GNB2: variants seen among roughly 807,000 people sequenced by gnomAD.
GNB2 encodes the protein G protein subunit beta 2.
Under a neutral mutation model 40.7 loss-of-function variants are expected in GNB2, and 7 were observed. The ratio of observed to expected loss-of-function variants is 0.17; its 90% CI spans 0.10 to 0.32. The LOEUF (loss-of-function observed/expected upper bound fraction) is 0.32, where lower values mean the gene tolerates loss of function less well. GNB2 is among the 10% of genes least tolerant of loss of function. The pLI is 1.00. For missense variants in GNB2, 286 were observed against 473.0 expected, an observed-to-expected ratio of 0.60 and a Z score of 3.67; for synonymous variants, 254 against 191.2, an observed-to-expected ratio of 1.33 and a Z score of -2.71.
chr7:100,677,915 C>A, intron 7 of GNB2, 97 bp downstream of exon 7: 1 of 1,163,608 alleles, frequency 8.6e-7, no homozygotes, highest in Non-Finnish European at 1.3e-6. Context: ...GCACCGTAGC[C>A]TCCCTCTCCT....
chr7:100,674,651 G>A (rs555513173), intron 1 of GNB2, among the ~76,000 whole-genome samples: 1 of 152,314 alleles, frequency 6.6e-6, no homozygotes, highest in African/African-American at 2.4e-5. Flanking sequence ...CCTGAGCCCC[G>A]CCAGACCTGC....
Position 100,677,338 on chromosome 7 carries a change from C to T in GNB2, c.204-14C>T. ...ACGCCACCCTTCTGCTCTCCCTACA[C>T]CGTTCCCCACCAGGCTGCTGGTCAG... On this transcript the variant is annotated splice_polypyrimidine_tract_variant and intron_variant, in intron 4 of 9. Coordinates refer to ENST00000303210, the MANE Select transcript of GNB2 (RefSeq NM_005273.4). 2 of 1,611,462 alleles carry T rather than the reference C, an allele frequency of 1.2e-6. No homozygotes were observed. The highest frequency in any genetic ancestry group is 1.7e-6 in the Non-Finnish European group (2 of 1,177,646).
Position 100,678,904 on chromosome 7 carries a change from C to G in GNB2, c.*103C>G. On this transcript the variant is annotated 3_prime_UTR_variant, in exon 10 of 10. Transcript: ENST00000303210. ...CGCAATCCCAGCCCCCTTCCCCGGG[C>G]CACGGGGCCTTGGGTCCCTGCCCTC... 1 of 904,084 alleles carries G rather than the reference C, an allele frequency of 1.1e-6. No individual in the cohort carries two copies. The highest frequency in any genetic ancestry group is 1.7e-6 in the Non-Finnish European group (1 of 585,360). The allele number at this position is 904,084 out of a possible 1,614,324, so 56.0% of individuals were successfully genotyped here.
chr7:100,679,081 C>T lies in GNB2; in HGVS notation c.*280C>T, dbSNP rs1804442869. Reference sequence around the variant, plus strand: ...AGGGCCGGAGGCAGGAGGTGGAAACCCCAGGGGCTGGCTTTTTTAAAACTG... The same window carrying T: ...AGGGCCGGAGGCAGGAGGTGGAAACTCCAGGGGCTGGCTTTTTTAAAACTG... On this transcript the variant is annotated 3_prime_UTR_variant, in exon 10 of 10. Coordinates refer to ENST00000303210, the MANE Select transcript of GNB2 (RefSeq NM_005273.4). 4.8e-6 allele frequency: 2 copies of T among 414,632 alleles called. No individual in the cohort carries two copies. The highest frequency in any genetic ancestry group is 3.5e-5 in the East Asian group (1 of 28,324). 25.7% of individuals were successfully genotyped at this position (414,632 alleles called of 1,614,324 possible). A position where few individuals can be genotyped will look rare whatever the true frequency, so the allele number is the denominator to read the frequency against.
Position 100,678,080 on chromosome 7 carries a change from T to C in GNB2, c.498-18T>C. On this transcript the variant is annotated intron_variant, in intron 7 of 9. Transcript: ENST00000303210. Reference sequence around the variant, plus strand: ...CGCCCTGTCTCTTATCTTTTCTTTCTTCCTGTCACCTCTCCAGTGCCCTGT... The same window carrying C: ...CGCCCTGTCTCTTATCTTTTCTTTCCTCCTGTCACCTCTCCAGTGCCCTGT... 2 of 1,595,714 alleles carry C rather than the reference T, an allele frequency of 1.3e-6. No individual in the cohort carries two copies. The highest frequency in any genetic ancestry group is 2.2e-5 in the East Asian group (1 of 44,778).
intron 1 of GNB2, among the ~76,000 whole-genome samples, chr7:100,675,119 C>G (rs1429634402): frequency 6.6e-6 from 1 of 151,200 alleles, no homozygotes; most frequent in Admixed American, 6.6e-5. Flanking sequence ...CTCAGGCTCC[C>G]GGAGCGGAGC....
rs1461838443 is a variant in GNB2 at position 100,677,739 on chromosome 7, G to A, written c.431-13G>A. ...CTCCGTGTGGAGACCTGGCTGACCA[G>A]CTCCTTCCCCAGGGTACCTGTCGTG... On this transcript the variant is annotated splice_polypyrimidine_tract_variant and intron_variant, in intron 6 of 9. Transcript: ENST00000303210. 1 of 1,613,662 alleles carries A rather than the reference G, an allele frequency of 6.2e-7. No individual in the cohort carries two copies. The highest frequency in any genetic ancestry group is 8.5e-7 in the Non-Finnish European group (1 of 1,179,894).
Position 100,679,064 on chromosome 7 carries a change from AGGCAGGAG to A in GNB2, c.*265_*272del, listed in dbSNP as rs904886148. 9.0e-6 allele frequency: 4 copies of A among 442,332 alleles called. No individual in the cohort carries two copies. Among genetic ancestry groups the A allele is most frequent in the African/African-American group, 2.0e-5 (1 of 50,280 alleles). 27.4% of individuals were successfully genotyped at this position (442,332 alleles called of 1,614,324 possible). ...GGGCCTCACCCCTCTGGAGGGCCGG[AGGCAGGAG>A]GTGGAAACCCCAGGGGCTGGCTTTT... On this transcript the variant is annotated 3_prime_UTR_variant, in exon 10 of 10. Coordinates refer to ENST00000303210, the MANE Select transcript of GNB2 (RefSeq NM_005273.4).
intron 1 of GNB2, among the ~76,000 whole-genome samples, chr7:100,674,708 TC>T (rs1804312322): frequency 6.6e-6 from 1 of 151,990 alleles, no homozygotes; most frequent in South Asian, 2.1e-4. Context: ...GGCTGCTATA[TC>T]CCTAGAGTCT....
intron 1 of GNB2, chr7:100,675,630 C>T (rs1198681516): frequency 6.6e-6 from 1 of 152,320 alleles, no homozygotes; most frequent in African/African-American, 2.4e-5. Context: ...AGGGTGGGGG[C>T]ATTTCACCAA....
intron 3 of GNB2, 50 bp downstream of exon 3, chr7:100,676,623 A>C: frequency 6.4e-7 from 1 of 1,560,988 alleles, no homozygotes; most frequent in Non-Finnish European, 8.8e-7. Flanking sequence ...AGGGGCAAGG[A>C]TCAGAGGCCG....
At chr7:100,673,947 CCT>C (rs1562856561) in intron 1 of GNB2, 24 bp downstream of exon 1, 2 of 161,968 alleles carry the variant, frequency 1.2e-5, no homozygotes, top group African/African-American at 4.8e-5. Flanking sequence ...CAAAAGGAGT[CCT>C]CTCGCCCCCC....
intron 1 of GNB2, among the ~76,000 whole-genome samples, chr7:100,674,501 C>T (rs1804308690): frequency 6.6e-6 from 1 of 151,998 alleles, no homozygotes; most frequent in African/African-American, 2.4e-5. Flanking sequence ...GCCCAGCTCC[C>T]AGGCGCCCGC....
intron 1 of GNB2, among the ~76,000 whole-genome samples, 179 bp downstream of exon 1, chr7:100,674,102 C>G (rs2131348221): frequency 6.6e-6 from 1 of 152,270 alleles, no homozygotes; most frequent in South Asian, 2.1e-4. Flanking sequence ...CTGGGGAACC[C>G]TCGCCCCCCA....
At position 100,677,615 on chromosome 7, in the gene GNB2, C is replaced by A; in HGVS notation, c.385C>A (p.Arg129Ser). ...NICSIYSLKT[R>S]EGNVRVSREL... ...CTGCTCCATCTACAGCCTCAAGACC[C>A]GCGAGGGCAACGTCAGGGTCAGCCG... The change falls in exon 6 of 10, where the codon CGC (arginine) becomes AGC (serine). Residue 129 changes from arginine to serine, a missense_variant. By Grantham distance (110) the Arg-to-Ser change is moderately radical. Coordinates refer to ENST00000303210, the MANE Select transcript of GNB2 (RefSeq NM_005273.4). 1.9e-6 allele frequency: 3 copies of A among 1,613,446 alleles called. No homozygotes were observed. Among genetic ancestry groups the A allele is most frequent in the Non-Finnish European group, 2.5e-6 (3 of 1,179,998 alleles).
At chr7:100,677,889 G>A in intron 7 of GNB2, 71 bp downstream of exon 7, 1 of 1,354,774 alleles carries the variant, frequency 7.4e-7, no homozygotes. Flanking sequence ...CCGTCCCAGT[G>A]CTCAACATGC....
rs1326991254 is a variant in GNB2 at position 100,679,009 on chromosome 7, G to A, written c.*208G>A. ...GAATGGGGGAAGAGGAGGAGCAGGA[G>A]GCCCTCATCCTTCTGCTGCCCTGGG... is the stretch of plus-strand genomic sequence containing the variant. On this transcript the variant is annotated 3_prime_UTR_variant, in exon 10 of 10. Coordinates refer to ENST00000303210, the MANE Select transcript of GNB2 (RefSeq NM_005273.4). 5.3e-6 allele frequency: 3 copies of A among 564,920 alleles called. No homozygotes were observed. The highest frequency in any genetic ancestry group is 5.7e-5 in the East Asian group (2 of 35,250). The allele number at this position is 564,920 out of a possible 1,614,324, so 35.0% of individuals were successfully genotyped here.
intron 1 of GNB2, chr7:100,675,573 A>G (rs1457171256): frequency 6.6e-6 from 1 of 151,548 alleles, no homozygotes; most frequent in African/African-American, 2.4e-5. Context: ...GGGGTCACCC[A>G]CCCTACAGGT....
Position 100,676,218 on chromosome 7 carries a change from T to C in GNB2, c.-48T>C. On this transcript the variant is annotated 5_prime_UTR_variant, in exon 2 of 10. Coordinates refer to ENST00000303210, the MANE Select transcript of GNB2 (RefSeq NM_005273.4). ...CAGGAGCTGCCTCCCCCAGCCCCCGTCCCGCGGCCCCCAGCCGCCCCCAAC... is the reference window on the plus strand; with the variant it reads ...CAGGAGCTGCCTCCCCCAGCCCCCGCCCCGCGGCCCCCAGCCGCCCCCAAC... 8.7e-7 allele frequency: 1 copy of C among 1,155,126 alleles called. No homozygotes were observed. The highest frequency in any genetic ancestry group is 1.3e-6 in the Non-Finnish European group (1 of 795,540). 71.6% of individuals were successfully genotyped at this position (1,155,126 alleles called of 1,614,324 possible).
Sources: allele counts gnomAD v4.1 joint callset (sites outside exome capture counted in the v4.1 genomes callset), GRCh38; gene constraint gnomAD v4.1.1; transcripts MANE v1.5; gene names NCBI Gene and HGNC (gene_info 2026-07-23, HGNC 2026-07-21).